HS3ST5: variants seen among roughly 807,000 people sequenced by gnomAD.
The protein encoded by HS3ST5 is heparan sulfate glucosamine 3-O-sulfotransferase 5.
In HS3ST5, 10 loss-of-function variants were observed where a neutral mutation model predicts 25.4. That is an observed-to-expected ratio of 0.39 (90% confidence interval 0.24 to 0.67). The LOEUF (loss-of-function observed/expected upper bound fraction) is 0.67. HS3ST5 is among the 30% of genes least tolerant of loss of function. The pLI is 0.44. For synonymous variants in HS3ST5, 170 were observed against 162.4 expected, an observed-to-expected ratio of 1.05 and a Z score of -0.36; for missense variants, 324 against 420.7, an observed-to-expected ratio of 0.77 and a Z score of 2.01.
At chr6:114,094,928 C>A (rs1334246408) in intron 3 of HS3ST5, among the ~76,000 whole-genome samples, 1 of 152,150 alleles carries the variant, frequency 6.6e-6, no homozygotes, top group African/African-American at 2.4e-5. Flanking sequence ...TGTCATGAAC[C>A]TTCAGCTGCT....
At chr6:114,269,296 G>A (rs1283353947) in intron 1 of HS3ST5, among the ~76,000 whole-genome samples, 1 of 152,136 alleles carries the variant, frequency 6.6e-6, no homozygotes, top group Non-Finnish European at 1.5e-5. Flanking sequence ...AACAGAGAGT[G>A]GAGATCTGAT....
At chr6:114,216,903 C>T (rs1277596664) in intron 2 of HS3ST5, among the ~76,000 whole-genome samples, 1 of 152,108 alleles carries the variant, frequency 6.6e-6, no homozygotes, top group Non-Finnish European at 1.5e-5. Context: ...TGGGTTATTT[C>T]AGGCAGTTGC....
chr6:114,309,136 T>C (rs572431975), intron 1 of HS3ST5, among the ~76,000 whole-genome samples: 59 of 152,274 alleles, frequency 3.9e-4, no homozygotes, highest in African/African-American at 1.4e-3. Context: ...ACAAGTAACC[T>C]AGGGGATGCT....
At chr6:114,253,556 G>GA (rs1562253782) in intron 1 of HS3ST5, among the ~76,000 whole-genome samples, 1 of 152,156 alleles carries the variant, frequency 6.6e-6, no homozygotes, top group Non-Finnish European at 1.5e-5. Context: ...CCAACACTGG[G>GA]AAAAAGAAAG....
At chr6:114,214,897 T>C (rs1395327591) in intron 2 of HS3ST5, among the ~76,000 whole-genome samples, 1 of 152,294 alleles carries the variant, frequency 6.6e-6, no homozygotes, top group East Asian at 1.9e-4. Flanking sequence ...TCACTACCAA[T>C]AGACCTCATG....
At chr6:114,272,094 T>C (rs904246036) in intron 1 of HS3ST5, among the ~76,000 whole-genome samples, 16 of 152,176 alleles carry the variant, frequency 1.1e-4, no homozygotes, top group African/African-American at 3.9e-4. Context: ...TCATAGGCTC[T>C]TTAAAGTCTG....
intron 1 of HS3ST5, among the ~76,000 whole-genome samples, chr6:114,268,943 T>C (rs1773523975): frequency 6.6e-6 from 1 of 152,198 alleles, no homozygotes; most frequent in African/African-American, 2.4e-5. Context: ...TTCCTCATGC[T>C]AGCTCTCCAA....
chr6:114,173,512 C>G (rs1424804696), intron 2 of HS3ST5, among the ~76,000 whole-genome samples: 4 of 152,114 alleles, frequency 2.6e-5, no homozygotes, highest in Admixed American at 2.0e-4. Flanking sequence ...CAAGGAATCT[C>G]AAGAAATTGA....
chr6:114,214,666 T>A (rs1562240710), intron 2 of HS3ST5, among the ~76,000 whole-genome samples: 1 of 152,184 alleles, frequency 6.6e-6, no homozygotes, highest in Non-Finnish European at 1.5e-5. Flanking sequence ...CCACACAGAA[T>A]TTTAGCTGTT....
At chr6:114,254,450 A>G (rs1412695277) in intron 1 of HS3ST5, among the ~76,000 whole-genome samples, 10 of 152,252 alleles carry the variant, frequency 6.6e-5, no homozygotes, top group Admixed American at 3.9e-4. Context: ...ATTGCAAGTC[A>G]AGAAAGAGAG....
At chr6:114,230,800 G>A (rs1023261080) in intron 1 of HS3ST5, among the ~76,000 whole-genome samples, 11 of 151,820 alleles carry the variant, frequency 7.2e-5, no homozygotes, top group Non-Finnish European at 1.5e-5. Flanking sequence ...ATGTTGGCCA[G>A]GCTGGTTTCA....
chr6:114,141,995 A>AT (rs373937472), intron 3 of HS3ST5, among the ~76,000 whole-genome samples: 6 of 145,534 alleles, frequency 4.1e-5, no homozygotes, highest in Non-Finnish European at 6.0e-5. Context: ...GTTCCATCTC[A>AT]TTTTTTTTTC....
At chr6:114,121,224 C>T (rs1776769498) in intron 3 of HS3ST5, among the ~76,000 whole-genome samples, 1 of 152,188 alleles carries the variant, frequency 6.6e-6, no homozygotes, top group Admixed American at 6.5e-5. Context: ...TTATACATCA[C>T]ATAACAGTGT....
At chr6:114,104,711 G>A (rs764469964) in intron 3 of HS3ST5, among the ~76,000 whole-genome samples, 11 of 152,234 alleles carry the variant, frequency 7.2e-5, no homozygotes, top group East Asian at 5.8e-4. Context: ...AGGAATTGGG[G>A]GTTGAGAACA....
chr6:114,296,629 T>C (rs906796919), intron 1 of HS3ST5, among the ~76,000 whole-genome samples: 5 of 152,202 alleles, frequency 3.3e-5, no homozygotes, highest in Non-Finnish European at 7.3e-5. Context: ...TCACACCCTG[T>C]AGGATGCTAA....
chr6:114,152,414 C>T (rs1778500819), intron 3 of HS3ST5, among the ~76,000 whole-genome samples: 1 of 152,144 alleles, frequency 6.6e-6, no homozygotes, highest in Non-Finnish European at 1.5e-5. Context: ...TAACTTTTTA[C>T]ATTTTTCACT....
chr6:114,232,895 T>C (rs1328560568), intron 1 of HS3ST5, among the ~76,000 whole-genome samples: 1 of 152,102 alleles, frequency 6.6e-6, no homozygotes, highest in Admixed American at 6.5e-5. Context: ...CTATCTAGAG[T>C]GATCTTTTAA....
intron 2 of HS3ST5, among the ~76,000 whole-genome samples, chr6:114,207,933 T>C (rs1469039042): frequency 6.6e-6 from 1 of 152,196 alleles, no homozygotes; most frequent in East Asian, 1.9e-4. Flanking sequence ...ACTCTAGTGA[T>C]GGAAGTATGA....
At position 114,097,240 on chromosome 6, in the gene HS3ST5, G is replaced by T. The variant is rs1028496305; in HGVS notation, c.-32-34363C>A. On this transcript the variant is annotated intron_variant, in intron 3 of 4. Coordinates refer to ENST00000312719, the MANE Select transcript of HS3ST5 (RefSeq NM_153612.4). ...TATTCAACAGAATATACAGAATAAA[G>T]CTTTTAAATTGTAAATACTAATATA... Among the ~76,000 whole-genome samples the T allele has an allele frequency of 3.9e-4, 59 of 151,712 alleles. 3 individuals are homozygous for T. The highest frequency in any genetic ancestry group is 4.4e-5 in the Non-Finnish European group (3 of 67,826).
Sources: allele counts gnomAD v4.1 joint callset (sites outside exome capture counted in the v4.1 genomes callset), GRCh38; gene constraint gnomAD v4.1.1; transcripts MANE v1.5; gene names NCBI Gene and HGNC (gene_info 2026-07-23, HGNC 2026-07-21).